The following DCAF1 variants were observed in gnomAD, a reference collection of about 807,000 sequenced individuals.
DCAF1 encodes the protein DDB1- and CUL4-associated factor 1.
A neutral mutation model predicts 128.0 loss-of-function variants in DCAF1; 15 were observed. The ratio of observed to expected loss-of-function variants is 0.12; its 90% CI spans 0.08 to 0.18. The LOEUF (loss-of-function observed/expected upper bound fraction) is 0.18. Ranked by LOEUF, DCAF1 falls within the 10% of genes least tolerant of loss-of-function variation. DCAF1 has a pLI of 1.00. For missense variants in DCAF1, 988 were observed against 1,649.5 expected, an observed-to-expected ratio of 0.60 and a Z score of 6.95; for synonymous variants, 610 against 603.0, an observed-to-expected ratio of 1.01 and a Z score of -0.17.
chr3:51,453,678 C>T (rs1553642031), intron 6 of DCAF1, among the ~76,000 whole-genome samples: 1 of 151,132 alleles, frequency 6.6e-6, no homozygotes, highest in African/African-American at 2.4e-5. Flanking sequence ...ACTGGCCGGG[C>T]ACAGTGGCTC....
intron 24 of DCAF1, among the ~76,000 whole-genome samples, chr3:51,400,580 G>T (rs2089595193): frequency 6.6e-6 from 1 of 152,228 alleles, no homozygotes; most frequent in East Asian, 1.9e-4. Context: ...AACCTCCAGG[G>T]CTTGGGCACC....
chr3:51,438,597 G>A (rs1411476951), intron 9 of DCAF1, among the ~76,000 whole-genome samples: 1 of 152,156 alleles, frequency 6.6e-6, no homozygotes, highest in Non-Finnish European at 1.5e-5. Flanking sequence ...GTGAGACTGT[G>A]AATATTATTT....
chr3:51,445,682 G>C (rs892959756), intron 6 of DCAF1, among the ~76,000 whole-genome samples: 1 of 152,068 alleles, frequency 6.6e-6, no homozygotes, highest in Non-Finnish European at 1.5e-5. Flanking sequence ...ACAAACCTAG[G>C]AACAGAACTG....
At chr3:51,442,371 A>G (rs4687800) in intron 7 of DCAF1, among the ~76,000 whole-genome samples, 114,619 of 151,994 alleles carry the variant, frequency 0.75, 44,199 homozygotes, top group Middle Eastern at 0.86. Context: ...TTTTTGGGCC[A>G]ACGCTATAAA....
At chr3:51,466,775 G>T in intron 5 of DCAF1, 28 bp downstream of exon 5, 1 of 1,600,496 alleles carries the variant, frequency 6.2e-7, no homozygotes, top group East Asian at 2.2e-5. Flanking sequence ...GATGATAATC[G>T]CTGGAGAAAA....
chr3:51,443,040 G>A (rs1272089622), intron 7 of DCAF1, among the ~76,000 whole-genome samples: 2 of 151,866 alleles, frequency 1.3e-5, no homozygotes, highest in Non-Finnish European at 2.9e-5. Flanking sequence ...TGTAATAAAC[G>A]TGCACATCCT....
intron 1 of DCAF1, among the ~76,000 whole-genome samples, 166 bp from the exon 2 acceptor site, chr3:51,496,946 C>T (rs1479143651): frequency 6.6e-6 from 1 of 152,038 alleles, no homozygotes; most frequent in African/African-American, 2.4e-5. Context: ...CAAATGATTC[C>T]ACAAAATATA....
chr3:51,461,662 T>C (rs1322566596), intron 6 of DCAF1, among the ~76,000 whole-genome samples: 1 of 152,122 alleles, frequency 6.6e-6, no homozygotes, highest in Non-Finnish European at 1.5e-5. Context: ...GGAACCAACC[T>C]AAATGTCCAA....
intron 12 of DCAF1, among the ~76,000 whole-genome samples, chr3:51,428,595 T>C (rs1163879509): frequency 2.6e-5 from 4 of 152,156 alleles, no homozygotes; most frequent in African/African-American, 4.8e-5. Context: ...CTCGTCATTA[T>C]CCCAAAACAT....
At chr3:51,466,990 C>T (rs933886472) in intron 4 of DCAF1, 114 bp from the exon 5 acceptor site, 6 of 758,542 alleles carry the variant, frequency 7.9e-6, no homozygotes, top group Middle Eastern at 4.8e-4. Context: ...AAAATGCCAG[C>T]AAAAATAATC....
chr3:51,400,146 T>C (rs777343205), intron 24 of DCAF1, among the ~76,000 whole-genome samples: 6 of 152,226 alleles, frequency 3.9e-5, no homozygotes, highest in Non-Finnish European at 8.8e-5. Flanking sequence ...GGCCTGACTG[T>C]ATTGGTGATG....
intron 4 of DCAF1, among the ~76,000 whole-genome samples, chr3:51,469,846 C>T (rs1435644005): frequency 1.3e-5 from 2 of 151,758 alleles, no homozygotes; most frequent in Non-Finnish European, 2.9e-5. Flanking sequence ...CATGGTGAAA[C>T]CCCTTCTCTA....
intron 2 of DCAF1, among the ~76,000 whole-genome samples, chr3:51,489,545 T>C (rs537273868): frequency 6.6e-6 from 1 of 151,540 alleles, no homozygotes; most frequent in East Asian, 2.0e-4. Context: ...TTTCAGAACT[T>C]TGGGAGGCCA....
chr3:51,438,642 G>A (rs556945772), intron 9 of DCAF1, among the ~76,000 whole-genome samples: 5 of 151,942 alleles, frequency 3.3e-5, no homozygotes, highest in Admixed American at 2.6e-4. Context: ...AATGTTGTTC[G>A]CTGTTATTGC....
At chr3:51,412,310 A>G in intron 23 of DCAF1, 69 bp downstream of exon 23, 1 of 1,602,620 alleles carries the variant, frequency 6.2e-7, no homozygotes, top group Non-Finnish European at 8.5e-7. Flanking sequence ...AAAACCTCCT[A>G]CAGCAAAAAG....
chr3:51,397,154 G>A (rs1460972934), downstream of DCAF1: 4 of 167,064 alleles, frequency 2.4e-5, no homozygotes, highest in African/African-American at 9.6e-5. Flanking sequence ...ACTTTAGCTG[G>A]ATAATACCTA....
chr3:51,441,303 G>A, intron 8 of DCAF1, 82 bp downstream of exon 8: 1 of 1,453,978 alleles, frequency 6.9e-7, no homozygotes, highest in Non-Finnish European at 9.2e-7. Flanking sequence ...ATATATCTTT[G>A]TATAAAATAC....
At chr3:51,419,665 A>T in intron 15 of DCAF1, 69 bp downstream of exon 15, 1 of 1,528,384 alleles carries the variant, frequency 6.5e-7, no homozygotes. Flanking sequence ...CTATGCTGAT[A>T]CTGCCCAGTT....
At chr3:51,430,382 G>A (rs1700261577) in intron 10 of DCAF1, among the ~76,000 whole-genome samples, 170 bp from the exon 11 acceptor site, 2 of 152,112 alleles carry the variant, frequency 1.3e-5, no homozygotes, top group South Asian at 4.1e-4. Flanking sequence ...TTTAGAACAC[G>A]ATCCATTCCA....
Sources: gnomAD v4.1 joint callset for allele counts (sites outside exome capture counted in the v4.1 genomes callset) on GRCh38, gnomAD v4.1.1 for gene constraint, MANE v1.5 for transcripts, NCBI Gene and HGNC (gene_info 2026-07-23, HGNC 2026-07-21) for gene names.